The following SCUBE1 variants were observed in gnomAD, a reference collection of about 807,000 sequenced individuals.
SCUBE1 encodes the protein signal peptide, CUB and EGF-like domain-containing protein 1.
Under a neutral mutation model 124.4 loss-of-function variants are expected in SCUBE1, and 59 were observed. The ratio of observed to expected loss-of-function variants is 0.47; its 90% CI spans 0.38 to 0.59. The LOEUF is 0.59. Among genes scored for constraint, SCUBE1 ranks in the 20% least tolerant of loss-of-function variants. The pLI is 0.00. For missense variants in SCUBE1, 1,150 were observed against 1,371.2 expected, an observed-to-expected ratio of 0.84 and a Z score of 2.55; for synonymous variants, 545 against 550.9, an observed-to-expected ratio of 0.99 and a Z score of 0.15.
intron 7 of SCUBE1, chr22:43,237,575 C>G (rs193173919): frequency 3.3e-5 from 5 of 152,216 alleles, no homozygotes; most frequent in African/African-American, 1.2e-4. Context: ...ACAGGCTGAG[C>G]GGTGGCCACA....
At chr22:43,222,540 T>A in intron 12 of SCUBE1, 98 bp downstream of exon 12, 1 of 927,710 alleles carries the variant, frequency 1.1e-6, no homozygotes, top group East Asian at 2.7e-5. Context: ...AGCAGGAAGG[T>A]CTTCCCTGGG....
At chr22:43,294,930 T>A (rs1367513548) in intron 3 of SCUBE1, among the ~76,000 whole-genome samples, 1 of 151,942 alleles carries the variant, frequency 6.6e-6, no homozygotes, top group Non-Finnish European at 1.5e-5. Context: ...TCAGGCATTA[T>A]CTTAATAAAT....
intron 12 of SCUBE1, among the ~76,000 whole-genome samples, chr22:43,222,401 C>T (rs1219075403): frequency 6.6e-6 from 1 of 152,248 alleles, no homozygotes; most frequent in East Asian, 1.9e-4. Context: ...CTGGCTGTGA[C>T]CTCAGAGCCG....
intron 4 of SCUBE1, among the ~76,000 whole-genome samples, chr22:43,281,488 G>GTCACCTCCCTCA (rs1569010806): frequency 1.4e-5 from 1 of 72,548 alleles, no homozygotes; most frequent in African/African-American, 1.3e-4. Flanking sequence ...CTCCCTCTTT[G>GTCACCTCCCTCA]GCCACCCTCC....
chr22:43,217,512 C>T (rs887232258), intron 15 of SCUBE1, among the ~76,000 whole-genome samples: 2 of 152,078 alleles, frequency 1.3e-5, no homozygotes, highest in Non-Finnish European at 2.9e-5. Flanking sequence ...CCTTGCTCCG[C>T]CCCCGCTACT....
intron 6 of SCUBE1, among the ~76,000 whole-genome samples, chr22:43,245,575 C>G (rs111826309): frequency 0.089 from 13,541 of 152,212 alleles, 613 homozygotes; most frequent in South Asian, 0.16. Context: ...CCAGAGCCAG[C>G]GCTGCTCGTG....
intron 2 of SCUBE1, among the ~76,000 whole-genome samples, chr22:43,328,998 C>T (rs1300845192): frequency 6.6e-6 from 1 of 152,220 alleles, no homozygotes; most frequent in African/African-American, 2.4e-5. Flanking sequence ...CTACCTTCCT[C>T]ACCTTGACAC....
intron 3 of SCUBE1, among the ~76,000 whole-genome samples, chr22:43,319,446 C>T (rs898214038): frequency 2.7e-5 from 4 of 150,736 alleles, no homozygotes; most frequent in Non-Finnish European, 5.9e-5. Flanking sequence ...GCCTGTAATC[C>T]CAGCTACTTG....
chr22:43,211,209 C>T lies in SCUBE1; in HGVS notation c.2222-126G>A. ...TTTTGGCACAGAGTTCAAGGCTCCT[C>T]CCCACCGCCCCATGACCTCCCACCA... is the stretch of plus-strand genomic sequence containing the variant. On this transcript the variant is annotated intron_variant, in intron 17 of 21. Transcript: ENST00000360835. The surrounding 1 kb of genome is among the most constrained non-coding windows in gnomAD (Gnocchi z 4.5). The T allele has an allele frequency of 1.1e-6, 1 of 936,788 alleles. No individual in the cohort carries two copies. The highest frequency in any genetic ancestry group is 1.6e-6 in the Non-Finnish European group (1 of 624,484). The allele number at this position is 936,788 out of a possible 1,614,324, so 58.0% of individuals were successfully genotyped here.
In SCUBE1 at chr22:43,218,456, T is replaced by C. The variant is rs763305810; in HGVS notation, c.1690A>G (p.Thr564Ala). Residue 564 changes from threonine (T) to alanine (A), a missense_variant and splice_region_variant, in exon 15 of 22, where the codon ACA becomes GCA. By Grantham distance (58) the Thr-to-Ala change is moderately conservative. Around this residue, in one of 3 missense-constraint regions of SCUBE1, gnomAD observed 757 missense variants for 840.9 expected, o/e 0.90. Coordinates refer to ENST00000360835, the MANE Select transcript of SCUBE1 (RefSeq NM_173050.5). ...TTCCGCAAGCAGTCCGCTTCGCATG[T>C]GTCTGCAGGGGCAGGAGAGACAGAA... ...IETKMEEASD[T>A]CEADCLRKRA... is the part of the protein sequence containing the mutation. 1 of 1,610,488 alleles carries C rather than the reference T, an allele frequency of 6.2e-7. No individual in the cohort carries two copies. The highest frequency in any genetic ancestry group is 1.7e-5 in the Admixed American group (1 of 60,028).
At chr22:43,337,388 G>T (rs1342154745) in intron 2 of SCUBE1, among the ~76,000 whole-genome samples, 1 of 152,210 alleles carries the variant, frequency 6.6e-6, no homozygotes, top group Non-Finnish European at 1.5e-5. Context: ...CAGAGATAGG[G>T]GGGTCAACCA....
chr22:43,269,255 T>G (rs1168059948), intron 4 of SCUBE1, among the ~76,000 whole-genome samples: 1 of 152,114 alleles, frequency 6.6e-6, no homozygotes, highest in African/African-American at 2.4e-5. Flanking sequence ...TGGCAGCCCT[T>G]CCCCACCGGG....
intron 20 of SCUBE1, 134 bp downstream of exon 20, chr22:43,207,938 A>T: frequency 9.8e-7 from 1 of 1,020,606 alleles, no homozygotes; most frequent in Non-Finnish European, 1.5e-6. Context: ...GGCCCCTGAC[A>T]GTGTTCGTTC....
intron 5 of SCUBE1, among the ~76,000 whole-genome samples, chr22:43,262,286 G>C (rs919859134): frequency 1.3e-5 from 2 of 152,188 alleles, no homozygotes; most frequent in African/African-American, 4.8e-5. Flanking sequence ...GCAGAGTTCT[G>C]ATCTTTGGTC....
Position 43,279,341 on chromosome 22 carries a change from G to A in SCUBE1, c.484+11705C>T, listed in dbSNP as rs375430974. ...CAGTGCTTCTGACAGTGGCCGCCTCGGTGCATATGCTGTGCAGGGCCTCAC... is the reference window on the plus strand; with the variant it reads ...CAGTGCTTCTGACAGTGGCCGCCTCAGTGCATATGCTGTGCAGGGCCTCAC... On this transcript the variant is annotated intron_variant, in intron 4 of 21. Coordinates refer to ENST00000360835, the MANE Select transcript of SCUBE1 (RefSeq NM_173050.5). 2.6e-4 allele frequency among the ~76,000 whole-genome samples: 40 copies of A among 152,302 alleles called. No homozygotes were observed. The South Asian group carries it at 6.0e-3, about 23-fold the overall frequency.
intron 1 of SCUBE1, among the ~76,000 whole-genome samples, chr22:43,342,870 G>A (rs1328088595): frequency 6.6e-6 from 1 of 150,904 alleles, no homozygotes; most frequent in Non-Finnish European, 1.5e-5. Flanking sequence ...CCCCGCCCAG[G>A]TCCGCACGCG....
In SCUBE1 at chr22:43,227,399, G is replaced by A. The variant is rs766108637; in HGVS notation, c.1182C>T (p.Leu394=). The A allele has an allele frequency of 6.2e-7, 1 of 1,611,872 alleles. No individual in the cohort carries two copies. Among genetic ancestry groups the A allele is most frequent in the African/African-American group, 1.3e-5 (1 of 75,016 alleles). Residue 394 remains leucine, a synonymous_variant, in exon 10 of 22, where the codon CTC becomes CTT. Coordinates refer to ENST00000360835, the MANE Select transcript of SCUBE1 (RefSeq NM_173050.5). ...YECVCPPGRR[L]HWNGKDCVET... ...CCACGCAATCCTTCCCGTTCCAGTG[G>A]AGCCGCCTCCCCGGGGGACAGACGC... is the stretch of plus-strand genomic sequence containing the variant.
chr22:43,327,924 A>G (rs1451041840), intron 2 of SCUBE1, among the ~76,000 whole-genome samples: 1 of 152,252 alleles, frequency 6.6e-6, no homozygotes, highest in Non-Finnish European at 1.5e-5. Context: ...ATATCGCGAT[A>G]AAGCTGTTTA....
intron 4 of SCUBE1, among the ~76,000 whole-genome samples, chr22:43,284,294 A>G (rs143881515): frequency 6.6e-6 from 1 of 152,300 alleles, no homozygotes; most frequent in Non-Finnish European, 1.5e-5. Context: ...GGCCAAGCCG[A>G]CTCAGGCTGT....
Sources: allele counts gnomAD v4.1 joint callset (sites outside exome capture counted in the v4.1 genomes callset), GRCh38; gene constraint gnomAD v4.1.1; regional missense constraint gnomAD v4.1.1; non-coding constraint Gnocchi (gnomAD v3.1); transcripts MANE v1.5; gene names NCBI Gene and HGNC (gene_info 2026-07-23, HGNC 2026-07-21).